The following FMNL2 variants were observed in gnomAD, a reference collection of about 807,000 sequenced individuals.
The protein encoded by FMNL2 is formin like 2, also known as formin-like protein 2.
In FMNL2, 51 loss-of-function variants were observed where a neutral mutation model predicts 130.2. That is an observed-to-expected ratio of 0.39 (90% CI 0.31 to 0.49). The LOEUF (loss-of-function observed/expected upper bound fraction) is 0.49, where lower values mean the gene tolerates loss of function less well. Ranked by LOEUF, FMNL2 falls within the 20% of genes least tolerant of loss-of-function variation. The probability of loss-of-function intolerance (pLI) is 0.85; values close to 1 mark genes in which losing one functional copy is unlikely to be tolerated. For synonymous variants in FMNL2, 465 were observed against 467.1 expected (o/e 1.00, Z 0.06); for missense variants, 977 against 1,316.2 (o/e 0.74, Z 3.99).
intron 1 of FMNL2, among the ~76,000 whole-genome samples, chr2:152,380,887 G>T (rs1017830274): frequency 6.6e-6 from 1 of 152,168 alleles, no homozygotes; most frequent in African/African-American, 2.4e-5. Flanking sequence ...GGCTGTATCA[G>T]TTTATGGCTG....
At chr2:152,553,416 T>A (rs1370502) in intron 4 of FMNL2, among the ~76,000 whole-genome samples, 1 of 151,910 alleles carries the variant, frequency 6.6e-6, no homozygotes, top group East Asian at 1.9e-4. Context: ...CCCTGTTTTA[T>A]GGATGAGAAT....
At chr2:152,587,898 T>A (rs1294320702) in intron 9 of FMNL2, among the ~76,000 whole-genome samples, 1 of 152,220 alleles carries the variant, frequency 6.6e-6, no homozygotes, top group African/African-American at 2.4e-5. Context: ...TCGACAGTTG[T>A]AATACCAGGC....
chr2:152,446,496 G>GT (rs1688344416), intron 1 of FMNL2, among the ~76,000 whole-genome samples: 1 of 152,070 alleles, frequency 6.6e-6, no homozygotes, highest in African/African-American at 2.4e-5. Flanking sequence ...TTCAACTTTT[G>GT]TGATTGTTTG....
intron 1 of FMNL2, among the ~76,000 whole-genome samples, chr2:152,473,227 G>A (rs1442955947): frequency 6.6e-6 from 1 of 152,088 alleles, no homozygotes; most frequent in Non-Finnish European, 1.5e-5. Context: ...CTTTTTAAGA[G>A]TTGGGGTCTC....
chr2:152,432,091 T>C (rs905202113), intron 1 of FMNL2, among the ~76,000 whole-genome samples: 3 of 151,926 alleles, frequency 2.0e-5, no homozygotes, highest in African/African-American at 7.3e-5. Context: ...TACAATTTTA[T>C]GAAATGTGGT....
intron 15 of FMNL2, 47 bp downstream of exon 15, chr2:152,619,765 T>G: frequency 2.5e-6 from 4 of 1,575,206 alleles, no homozygotes; most frequent in Non-Finnish European, 3.4e-6. Flanking sequence ...AGAAATGCTG[T>G]CTTATCTCGG....
intron 1 of FMNL2, among the ~76,000 whole-genome samples, chr2:152,483,724 A>C (rs1357737460): frequency 6.6e-6 from 1 of 152,256 alleles, no homozygotes; most frequent in Non-Finnish European, 1.5e-5. Context: ...CTTTACTAGC[A>C]GTGAGCCTGC....
chr2:152,385,644 T>C (rs1684737920), intron 1 of FMNL2, among the ~76,000 whole-genome samples: 1 of 152,196 alleles, frequency 6.6e-6, no homozygotes. Context: ...TATATCTGCT[T>C]GAGGGGCAAA....
rs5835439 is a variant in FMNL2, at chr2:152,619,552, G to GCCACCCCCCCCC, written c.1673_1674insACCCCCCCCCCC (p.Pro570_Pro573dup). ...CACCACCTATGCCACCGCCGCCGCC[G>GCCACCCCCCCCC]CCCCCTCCTCCACCTCCTCCTCCCC... is the stretch of plus-strand genomic sequence containing the variant. On this transcript the variant is annotated inframe_insertion, in exon 15 of 26. Coordinates refer to ENST00000288670, the MANE Select transcript of FMNL2 (RefSeq NM_052905.4). The GCCACCCCCCCCC allele has an allele frequency of 2.3e-5, 32 of 1,417,660 alleles. No individual in the cohort carries two copies. Among genetic ancestry groups the GCCACCCCCCCCC allele is most frequent in the South Asian group, 1.0e-4 (8 of 78,992 alleles). The allele number at this position is 1,417,660 out of a possible 1,614,324, so 87.8% of individuals were successfully genotyped here. A position where few individuals can be genotyped will look rare whatever the true frequency, so the allele number is the denominator to read the frequency against.
At chr2:152,561,083 A>G in intron 6 of FMNL2, 48 bp downstream of exon 6, 1 of 1,526,708 alleles carries the variant, frequency 6.6e-7, no homozygotes, top group Non-Finnish European at 8.8e-7. Context: ...GCACTGGGAC[A>G]GCAGGCTCCT....
chr2:152,428,155 A>G (rs1687292807), intron 1 of FMNL2, among the ~76,000 whole-genome samples: 2 of 152,194 alleles, frequency 1.3e-5, no homozygotes, highest in Admixed American at 6.5e-5. Flanking sequence ...CATTTTATCA[A>G]ACTTGAAAAA....
chr2:152,640,424 G>C (rs188699056), intron 24 of FMNL2, among the ~76,000 whole-genome samples: 12 of 152,298 alleles, frequency 7.9e-5, no homozygotes, highest in African/African-American at 1.9e-4. Context: ...CAGGAATGGA[G>C]GGAACATTTC....
At chr2:152,552,301 A>G (rs1306935630) in intron 4 of FMNL2, among the ~76,000 whole-genome samples, 1 of 152,220 alleles carries the variant, frequency 6.6e-6, no homozygotes, top group Non-Finnish European at 1.5e-5. Flanking sequence ...CTAAGGATAT[A>G]CATCTCTTAT....
intron 11 of FMNL2, among the ~76,000 whole-genome samples, chr2:152,612,400 G>A (rs1450441458): frequency 6.6e-6 from 1 of 152,032 alleles, no homozygotes; most frequent in Non-Finnish European, 1.5e-5. Context: ...TGTGCCCGTG[G>A]CCCCAGCTGC....
chr2:152,365,778 A>G (rs946842102), intron 1 of FMNL2, among the ~76,000 whole-genome samples: 1 of 151,988 alleles, frequency 6.6e-6, no homozygotes, highest in African/African-American at 2.4e-5. Flanking sequence ...GTCTCAAAAC[A>G]ACAACAAAGT....
chr2:152,355,812 A>G (rs1682748071), intron 1 of FMNL2, among the ~76,000 whole-genome samples: 1 of 152,166 alleles, frequency 6.6e-6, no homozygotes, highest in Non-Finnish European at 1.5e-5. Context: ...CGTGTATTTC[A>G]CTACTGAGTG....
Position 152,576,270 on chromosome 2 carries a change from C to T in FMNL2, c.705+1026C>T, listed in dbSNP as rs914059921. Reference sequence around the variant, plus strand: ...CCATTTTTTTTTGAACTTTGCCAGACGGCCCCTGTTCCACATAGGCAACTG... The same window carrying T: ...CCATTTTTTTTTGAACTTTGCCAGATGGCCCCTGTTCCACATAGGCAACTG... On this transcript the variant is annotated intron_variant, in intron 7 of 25. Coordinates refer to ENST00000288670, the MANE Select transcript of FMNL2 (RefSeq NM_052905.4). Among the ~76,000 whole-genome samples, 6 of 152,142 alleles carry T rather than the reference C, an allele frequency of 3.9e-5. No homozygotes were observed. In the East Asian group the frequency reaches 9.7e-4, roughly 25 times the overall value.
chr2:152,619,443 A>C (rs2105895408), intron 14 of FMNL2, 66 bp from the exon 15 acceptor site: 5 of 1,545,796 alleles, frequency 3.2e-6, no homozygotes, highest in Non-Finnish European at 4.4e-6. Context: ...TTATATGCAC[A>C]TGGCTTATTG....
rs1358845734 is a variant in FMNL2, at chr2:152,482,899, C to CT, written c.118-39036dup. 2.0e-5 allele frequency among the ~76,000 whole-genome samples: 3 copies of CT among 152,048 alleles called. No individual in the cohort carries two copies. In the East Asian group the frequency reaches 5.8e-4, roughly 29 times the overall value. On this transcript the variant is annotated intron_variant, in intron 1 of 25. Coordinates refer to ENST00000288670, the MANE Select transcript of FMNL2 (RefSeq NM_052905.4). ...CTGGTGAATTAAGAAAAAGGATCAACTTTTTTTTCCTAGGCCTCTTGTAGG... is the reference window on the plus strand; with the variant it reads ...CTGGTGAATTAAGAAAAAGGATCAACTTTTTTTTTCCTAGGCCTCTTGTAGG...
Sources: gnomAD v4.1 joint callset for allele counts (sites outside exome capture counted in the v4.1 genomes callset) on GRCh38, gnomAD v4.1.1 for gene constraint, MANE v1.5 for transcripts, NCBI Gene and HGNC (gene_info 2026-07-23, HGNC 2026-07-21) for gene names.